KIAA1217: variants seen among roughly 807,000 people sequenced by gnomAD.
KIAA1217 encodes sickle tail protein homolog.
KIAA1217 carries 88 observed loss-of-function variants against 163.9 expected under a neutral mutation model. The observed-to-expected ratio is 0.54, with a 90% confidence interval of 0.45 to 0.64. The LOEUF is 0.64. KIAA1217 is among the 30% of genes least tolerant of loss of function. KIAA1217 has a pLI of 0.00. For synonymous variants in KIAA1217, 903 were observed against 923.1 expected (o/e 0.98, Z 0.39); for missense variants, 2,372 against 2,475.0 (o/e 0.96, Z 0.88).
Position 23,869,185 on chromosome 10 carries a change from C to T in KIAA1217, c.-320-138040C>T, listed in dbSNP as rs190124510. Among the ~76,000 whole-genome samples the T allele has an allele frequency of 5.2e-4, 62 of 118,396 alleles. 1 individual carries two copies. Among genetic ancestry groups the T allele is most frequent in the Admixed American group, 1.4e-3 (12 of 8,818 alleles). The allele number at this position is 118,396 out of a possible 152,430, so 77.7% of individuals were successfully genotyped here. A position where few individuals can be genotyped will look rare whatever the true frequency, so the allele number is the denominator to read the frequency against. ...AGTAGCATATATTTTGAAGTAACAG[C>T]GTTGCTATCTACCTGTTAAAAAGTG... On this transcript the variant is annotated intron_variant, in intron 1 of 18. Transcript: ENST00000376462.
chr10:24,168,362 A>G (rs2065456668), intron 2 of KIAA1217, among the ~76,000 whole-genome samples: 1 of 152,172 alleles, frequency 6.6e-6, no homozygotes, highest in African/African-American at 2.4e-5. Context: ...TTGTCTAAGC[A>G]TGCACAATTA....
Position 24,176,945 on chromosome 10 carries a change from A to G in KIAA1217, c.-170-42681A>G, listed in dbSNP as rs1166708179. 3.9e-5 allele frequency among the ~76,000 whole-genome samples: 6 copies of G among 151,988 alleles called. No individual in the cohort carries two copies. The East Asian group carries it at 1.2e-3, about 30-fold the overall frequency. On this transcript the variant is annotated intron_variant, in intron 2 of 18. Coordinates refer to the KIAA1217 transcript ENST00000376462. ...CTGGCAGTGCTGGGTGACCCAGCAC[A>G]CCCTCTGCAGTTGCTGGCCCGGGTG...
intron 2 of KIAA1217, among the ~76,000 whole-genome samples, chr10:24,031,087 C>A (rs1263766180): frequency 2.0e-5 from 3 of 152,148 alleles, no homozygotes; most frequent in Admixed American, 1.3e-4. Flanking sequence ...AAGTTTAATT[C>A]TTTGAGGAAC....
chr10:24,058,513 C>G (rs1262274414), intron 2 of KIAA1217, among the ~76,000 whole-genome samples: 1 of 152,024 alleles, frequency 6.6e-6, no homozygotes, highest in Non-Finnish European at 1.5e-5. Flanking sequence ...TTAAGTCTTC[C>G]TATTTGTTAA....
At chr10:24,432,906 T>C in intron 3 of KIAA1217, 89 bp from the exon 4 acceptor site, 2 of 1,007,468 alleles carry the variant, frequency 2.0e-6, no homozygotes, top group South Asian at 2.9e-5. Flanking sequence ...TGAACGTTCC[T>C]AAGTGCAGCA....
intron 1 of KIAA1217, among the ~76,000 whole-genome samples, chr10:23,745,550 T>C (rs1033950909): frequency 2.0e-5 from 3 of 152,196 alleles, no homozygotes; most frequent in African/African-American, 7.2e-5. Flanking sequence ...GCTGAGAAGC[T>C]CTCACCCAAG....
chr10:23,876,261 T>C (rs1017397931), intron 1 of KIAA1217, among the ~76,000 whole-genome samples: 2 of 151,560 alleles, frequency 1.3e-5, no homozygotes, highest in African/African-American at 4.9e-5. Flanking sequence ...TTCTCACCTG[T>C]AAGTGGGAGC....
chr10:24,373,525 G>A (rs2052005131), intron 2 of KIAA1217, among the ~76,000 whole-genome samples: 1 of 152,126 alleles, frequency 6.6e-6, no homozygotes, highest in Non-Finnish European at 1.5e-5. Context: ...TTCCCAGGAG[G>A]TGATGGCTAG....
chr10:24,046,153 C>G (rs1849009572), intron 2 of KIAA1217, among the ~76,000 whole-genome samples: 1 of 151,938 alleles, frequency 6.6e-6, no homozygotes, highest in African/African-American at 2.4e-5. Context: ...TAAAGAACAA[C>G]TTTCTTTAGA....
At chr10:24,503,792 G>T (rs1431454103) in intron 9 of KIAA1217, among the ~76,000 whole-genome samples, 1 of 152,220 alleles carries the variant, frequency 6.6e-6, no homozygotes, top group African/African-American at 2.4e-5. Flanking sequence ...GCTCCTGGAG[G>T]TCAAGCCCTT....
At chr10:24,522,128 T>C (rs2071385263) in intron 12 of KIAA1217, among the ~76,000 whole-genome samples, 199 bp downstream of exon 12, 1 of 152,164 alleles carries the variant, frequency 6.6e-6, no homozygotes, top group South Asian at 2.1e-4. Flanking sequence ...ACAGGATTGC[T>C]AGGTGGAGCC....
At chr10:23,883,840 C>A (rs565924074) in intron 1 of KIAA1217, among the ~76,000 whole-genome samples, 26 of 151,928 alleles carry the variant, frequency 1.7e-4, no homozygotes, top group Non-Finnish European at 3.1e-4. Context: ...ATAGTTCTGC[C>A]TTTCCCAGAA....
chr10:24,396,658 G>C (rs1276152285), intron 3 of KIAA1217, among the ~76,000 whole-genome samples: 2 of 152,188 alleles, frequency 1.3e-5, no homozygotes, highest in African/African-American at 4.8e-5. Flanking sequence ...TCTGGGGGAA[G>C]AGAGTTCCAG....
chr10:24,190,170 A>G (rs2066650701), intron 2 of KIAA1217, among the ~76,000 whole-genome samples: 1 of 152,130 alleles, frequency 6.6e-6, no homozygotes, highest in Admixed American at 6.6e-5. Flanking sequence ...GTATAAGGCA[A>G]GATACCTGTC....
Position 23,707,522 on chromosome 10 carries a change from T to C in KIAA1217, c.-321+12288T>C, listed in dbSNP as rs187333477. On this transcript the variant is annotated intron_variant, in intron 1 of 18. Transcript: ENST00000376462. Reference sequence around the variant, plus strand: ...GAAAGTCAAATACTACACTTATAAGTGGGAGCGAAACAATGGCCACATACA... The same window carrying C: ...GAAAGTCAAATACTACACTTATAAGCGGGAGCGAAACAATGGCCACATACA... Among the ~76,000 whole-genome samples the C allele has an allele frequency of 7.9e-5, 12 of 152,126 alleles. No individual in the cohort carries two copies. In the East Asian group the frequency reaches 1.4e-3, roughly 17 times the overall value.
At position 24,364,912 on chromosome 10, in the gene KIAA1217, C is replaced by A. The variant is rs182039631; in HGVS notation, c.355-15957C>A. Among the ~76,000 whole-genome samples, 1,471 of 152,154 alleles carry A rather than the reference C, an allele frequency of 9.7e-3. 15 individuals are homozygous for A. Among genetic ancestry groups the A allele is most frequent in the Middle Eastern group, 0.014 (4 of 294 alleles). On this transcript the variant is annotated intron_variant, in intron 2 of 20. Transcript: ENST00000376454. Reference sequence around the variant, plus strand: ...CTCCTGAGGTCAAGCAGTCCTCCCCCCTCAGCCCCCTCGGTAGCTAGGACT... The same window carrying A: ...CTCCTGAGGTCAAGCAGTCCTCCCCACTCAGCCCCCTCGGTAGCTAGGACT...
intron 1 of KIAA1217, among the ~76,000 whole-genome samples, chr10:23,857,142 C>T (rs189828695): frequency 4.6e-5 from 7 of 152,188 alleles, no homozygotes; most frequent in Admixed American, 2.0e-4. Flanking sequence ...TGTTCCTATT[C>T]GGCCATCTTG....
chr10:23,738,037 A>G (rs1838909460), intron 1 of KIAA1217, among the ~76,000 whole-genome samples: 1 of 152,100 alleles, frequency 6.6e-6, no homozygotes, highest in Non-Finnish European at 1.5e-5. Context: ...ATATATATAT[A>G]AAATCCTTGA....
At chr10:23,748,461 CAAGGAAGG>C (rs763422691) in intron 1 of KIAA1217, among the ~76,000 whole-genome samples, 22,887 of 133,282 alleles carry the variant, frequency 0.17, 2,086 homozygotes, top group Middle Eastern at 0.24. Flanking sequence ...AGGAAGGAAG[CAAGGAAGG>C]AAGGAAGGAA....
Sources: gnomAD v4.1 joint callset for allele counts (sites outside exome capture counted in the v4.1 genomes callset) on GRCh38, gnomAD v4.1.1 for gene constraint, MANE v1.5 for transcripts, NCBI Gene and HGNC (gene_info 2026-07-23, HGNC 2026-07-21) for gene names.